MARCHF1: variants seen among roughly 807,000 people sequenced by gnomAD.
MARCHF1 encodes the protein E3 ubiquitin-protein ligase MARCHF1.
A neutral mutation model predicts 54.2 loss-of-function variants in MARCHF1; 40 were observed. The ratio of observed to expected loss-of-function variants is 0.74; its 90% CI spans 0.57 to 0.96. The LOEUF (loss-of-function observed/expected upper bound fraction) is 0.96. Ranked by LOEUF, MARCHF1 falls within the 40% of genes least tolerant of loss-of-function variation. The pLI, the probability that MARCHF1 is intolerant of heterozygous loss-of-function variation, is 0.00. For synonymous variants in MARCHF1, 236 were observed against 236.3 expected (o/e 1.00, Z 0.01); for missense variants, 586 against 656.5 (o/e 0.89, Z 1.17).
intron 5 of MARCHF1, among the ~76,000 whole-genome samples, chr4:163,623,276 A>T (rs1741749460): frequency 6.6e-6 from 1 of 152,172 alleles, no homozygotes; most frequent in Non-Finnish European, 1.5e-5. Context: ...GTGAGGATCC[A>T]TTATAGTACT....
intron 4 of MARCHF1, among the ~76,000 whole-genome samples, chr4:163,765,928 A>G (rs1746965005): frequency 6.8e-6 from 1 of 147,852 alleles, no homozygotes; most frequent in Non-Finnish European, 1.5e-5. Context: ...ATTATATATA[A>G]TACATATAAA....
intron 1 of MARCHF1, among the ~76,000 whole-genome samples, chr4:164,236,720 TAAG>T (rs1448396718): frequency 7.2e-5 from 11 of 152,104 alleles, no homozygotes; most frequent in Non-Finnish European, 2.9e-5. Context: ...ACAAATTTAG[TAAG>T]TAGTCAAATT....
chr4:163,781,053 A>T (rs1484015300), intron 4 of MARCHF1, among the ~76,000 whole-genome samples: 1 of 152,204 alleles, frequency 6.6e-6, no homozygotes, highest in Non-Finnish European at 1.5e-5. Flanking sequence ...GACAATTAAA[A>T]AGAACAGAGG....
intron 8 of MARCHF1, chr4:163,585,180 C>T (rs1190136119): frequency 6.6e-6 from 1 of 152,174 alleles, no homozygotes; most frequent in Non-Finnish European, 1.5e-5. Context: ...TCTCTTACAG[C>T]CTGATGCACA....
At chr4:163,807,130 T>C (rs1470466383) in intron 4 of MARCHF1, among the ~76,000 whole-genome samples, 1 of 152,194 alleles carries the variant, frequency 6.6e-6, no homozygotes, top group East Asian at 1.9e-4. Flanking sequence ...ACAAAGGGGA[T>C]ACTTTGTAAA....
intron 9 of MARCHF1, among the ~76,000 whole-genome samples, chr4:163,541,426 C>T (rs931717512): frequency 1.3e-5 from 2 of 152,132 alleles, no homozygotes; most frequent in Non-Finnish European, 2.9e-5. Context: ...TTCTTCTAGA[C>T]TATGTAAAGA....
chr4:163,765,559 T>C (rs1223366418), intron 4 of MARCHF1, among the ~76,000 whole-genome samples: 1 of 152,060 alleles, frequency 6.6e-6, no homozygotes, highest in Non-Finnish European at 1.5e-5. Context: ...TAAACATACT[T>C]TGTTAGTATT....
At chr4:164,007,137 G>A (rs1377374547) in intron 2 of MARCHF1, among the ~76,000 whole-genome samples, 2 of 149,786 alleles carry the variant, frequency 1.3e-5, no homozygotes, top group Non-Finnish European at 1.5e-5. Flanking sequence ...ACGAGGTCAG[G>A]AGATCAAGAC....
chr4:164,047,209 A>AT (rs1188949682), intron 2 of MARCHF1, among the ~76,000 whole-genome samples: 1 of 152,284 alleles, frequency 6.6e-6, no homozygotes, highest in East Asian at 1.9e-4. Flanking sequence ...AAAGCTGGGA[A>AT]TGACTTCAGC....
At chr4:163,559,372 C>A (rs1047773337) in intron 8 of MARCHF1, among the ~76,000 whole-genome samples, 2 of 151,994 alleles carry the variant, frequency 1.3e-5, no homozygotes, top group Non-Finnish European at 2.9e-5. Flanking sequence ...GAATGCAATG[C>A]AGAAATATAG....
At chr4:163,803,991 G>A (rs780981854) in intron 4 of MARCHF1, among the ~76,000 whole-genome samples, 6 of 151,922 alleles carry the variant, frequency 3.9e-5, no homozygotes, top group South Asian at 2.1e-4. Flanking sequence ...TTTATTTTTC[G>A]CAGTATACCC....
chr4:163,874,036 C>G (rs1750236706), intron 3 of MARCHF1, among the ~76,000 whole-genome samples: 2 of 152,186 alleles, frequency 1.3e-5, no homozygotes, highest in South Asian at 4.1e-4. Flanking sequence ...AATAAGCATT[C>G]TCCTCTAAGT....
Position 163,656,131 on chromosome 4 carries a change from T to G in MARCHF1, c.163-42738A>C, listed in dbSNP as rs1353503397. On this transcript the variant is annotated intron_variant, in intron 5 of 9. Transcript: ENST00000514618. Reference sequence around the variant, plus strand: ...ATGAATCCAGGAGCTGTTTTTTTTTTGAAAAAAATAATAAAATAGACCACT... The same window carrying G: ...ATGAATCCAGGAGCTGTTTTTTTTTGGAAAAAAATAATAAAATAGACCACT... Among the ~76,000 whole-genome samples, 6 of 147,444 alleles carry G rather than the reference T, an allele frequency of 4.1e-5. No homozygotes were observed. The South Asian group carries it at 8.5e-4, about 21-fold the overall frequency.
At chr4:163,957,096 G>A (rs1752246744) in intron 3 of MARCHF1, among the ~76,000 whole-genome samples, 1 of 151,880 alleles carries the variant, frequency 6.6e-6, no homozygotes, top group Admixed American at 6.6e-5. Context: ...GAATCTGAAT[G>A]TTTTAATACA....
chr4:164,241,168 A>C (rs1732734269), intron 1 of MARCHF1, among the ~76,000 whole-genome samples: 1 of 152,108 alleles, frequency 6.6e-6, no homozygotes, highest in South Asian at 2.1e-4. Flanking sequence ...CTCACCCAGA[A>C]ACTGACTCAG....
At chr4:164,356,862 T>C (rs1048763744) in intron 1 of MARCHF1, among the ~76,000 whole-genome samples, 4 of 150,346 alleles carry the variant, frequency 2.7e-5, no homozygotes, top group Non-Finnish European at 5.9e-5. Flanking sequence ...AAAATATTAG[T>C]GGTTTATCAT....
intron 8 of MARCHF1, among the ~76,000 whole-genome samples, chr4:163,557,146 C>T (rs1474580213): frequency 1.3e-5 from 2 of 152,066 alleles, no homozygotes; most frequent in African/African-American, 4.8e-5. Flanking sequence ...GGTTCAGGGA[C>T]TCGGTATGTT....
chr4:164,165,211 A>G (rs1002274536), intron 1 of MARCHF1, among the ~76,000 whole-genome samples: 2 of 152,084 alleles, frequency 1.3e-5, no homozygotes, highest in Non-Finnish European at 2.9e-5. Flanking sequence ...TATTTGTAAC[A>G]TAAGTTGAAG....
chr4:163,580,969 A>AT (rs1437611907), intron 8 of MARCHF1, among the ~76,000 whole-genome samples: 1 of 99,258 alleles, frequency 1.0e-5, no homozygotes, highest in African/African-American at 4.0e-5. Context: ...CGCCCGGCTA[A>AT]TTTTTTGTAT....
Sources: gnomAD v4.1 joint callset for allele counts (sites outside exome capture counted in the v4.1 genomes callset) on GRCh38, gnomAD v4.1.1 for gene constraint, MANE v1.5 for transcripts, NCBI Gene and HGNC (gene_info 2026-07-23, HGNC 2026-07-21) for gene names.